NEB: variants seen among roughly 807,000 people sequenced by gnomAD.
The protein encoded by NEB is nemaline myopathy type 2.
Under a neutral mutation model 952.2 loss-of-function variants are expected in NEB, and 512 were observed. That is an observed-to-expected ratio of 0.54 (90% confidence interval 0.50 to 0.58). The LOEUF (loss-of-function observed/expected upper bound fraction) is 0.58. NEB is among the 20% of genes least tolerant of loss of function. The pLI is 0.00. For synonymous variants in NEB, 2,900 were observed against 3,149.8 expected (o/e 0.92, Z 2.66); for missense variants, 8,428 against 9,231.1 (o/e 0.91, Z 3.56).
intron 20 of NEB, among the ~76,000 whole-genome samples, chr2:151,693,513 G>A (rs2099574204): frequency 6.6e-6 from 1 of 151,326 alleles, no homozygotes; most frequent in South Asian, 2.1e-4. Flanking sequence ...AAGAACATGA[G>A]GTATTTGATT....
chr2:151,520,893 G>A (rs2081506559), intron 153 of NEB, among the ~76,000 whole-genome samples: 1 of 152,144 alleles, frequency 6.6e-6, no homozygotes, highest in Non-Finnish European at 1.5e-5. Flanking sequence ...TTATTTATAG[G>A]AGAATTCAAC....
intron 5 of NEB, among the ~76,000 whole-genome samples, chr2:151,726,555 C>T (rs1162407689): frequency 6.6e-6 from 1 of 152,148 alleles, no homozygotes; most frequent in Non-Finnish European, 1.5e-5. Flanking sequence ...CCCAGTGAGA[C>T]CTCAGCCCAC....
chr2:151,595,468 T>G (rs1297469562), intron 92 of NEB, among the ~76,000 whole-genome samples: 16 of 150,768 alleles, frequency 1.1e-4, no homozygotes, highest in South Asian at 6.3e-4. Context: ...AGATGAGGTT[T>G]TACCATGTTG....
At position 151,655,923 on chromosome 2, in the gene NEB, G is replaced by A. The variant is rs865910835; in HGVS notation, c.6596C>T (p.Ala2199Val). The part of the protein sequence containing the change: ...VEKAKKATEY[A>V]SDQKYRQHPS... ...GTGCTGGCGGTATTTCTGATCACTG[G>A]CATATTCAGTTGCTTTCTTGGCCTT... Residue 2199 changes from alanine (A) to valine (V), a missense_variant, in exon 50 of 182, where the codon GCC becomes GTC. Physicochemically the swap from Ala to Val is moderately conservative, Grantham distance 64. This residue lies in a region of NEB where 2,851 missense variants were observed against 2,791.5 expected (regional missense o/e 1.02). Transcript: ENST00000397345. The A allele has an allele frequency of 1.9e-6, 3 of 1,613,736 alleles. No homozygotes were observed. The highest frequency in any genetic ancestry group is 2.5e-6 in the Non-Finnish European group (3 of 1,179,788).
At chr2:151,490,148 C>A in intron 180 of NEB, 71 bp from the exon 181 acceptor site, 1 of 1,266,342 alleles carries the variant, frequency 7.9e-7, no homozygotes. Context: ...TGTTTAGCAG[C>A]TGAGTGATGT....
chr2:151,678,053 A>C lies in NEB; in HGVS notation c.3390T>G (p.Tyr1130Ter), dbSNP rs767079113. The change falls in exon 33 of 182, where the codon TAT (tyrosine) becomes TAG (stop). Residue 1130 changes from tyrosine (Y) to a stop codon, truncating the protein, a stop_gained. Coordinates refer to ENST00000397345, the MANE Select transcript of NEB (RefSeq NM_001164508.2). LOFTEE classifies it high-confidence loss of function. Reference sequence around the variant, plus strand: ...TGTTGTATTTGGACTTTGTCTTCTCATAGTCTTTTTTATACTCCCGATCTG... The same window carrying C: ...TGTTGTATTTGGACTTTGTCTTCTCCTAGTCTTTTTTATACTCCCGATCTG... ...IQSDREYKKD[Y>*]EKTKSKYNTP... 1 of 1,613,918 alleles carries C rather than the reference A, an allele frequency of 6.2e-7. No homozygotes were observed.
At chr2:151,695,777 T>C (rs1238947321) in intron 17 of NEB, 95 bp from the exon 18 acceptor site, 15 of 919,426 alleles carry the variant, frequency 1.6e-5, no homozygotes, top group South Asian at 5.8e-5. Flanking sequence ...GACAGCATTA[T>C]TGAGATCAGA....
chr2:151,697,506 C>T, intron 14 of NEB, 38 bp downstream of exon 14: 1 of 1,605,808 alleles, frequency 6.2e-7, no homozygotes, highest in Non-Finnish European at 8.5e-7. Context: ...ATAATGGGTT[C>T]TTTTTTTAAC....
At chr2:151,514,769 G>A in intron 158 of NEB, 49 bp downstream of exon 158, 2 of 1,253,286 alleles carry the variant, frequency 1.6e-6, no homozygotes, top group Non-Finnish European at 2.3e-6. Flanking sequence ...AGTGTCACTA[G>A]TGCAATTATT....
chr2:151,535,637 A>T, intron 142 of NEB, 54 bp downstream of exon 142: 1 of 1,130,022 alleles, frequency 8.8e-7, no homozygotes, highest in Non-Finnish European at 1.3e-6. Flanking sequence ...AAAAACTCTG[A>T]GACTTCTTTA....
chr2:151,575,022 G>A (rs953599130), intron 107 of NEB, among the ~76,000 whole-genome samples: 27 of 152,160 alleles, frequency 1.8e-4, no homozygotes, highest in Non-Finnish European at 2.2e-4. Context: ...TTATAGGCAT[G>A]AGCCACCATG....
intron 40 of NEB, among the ~76,000 whole-genome samples, chr2:151,667,537 T>A (rs1046499634): frequency 4.6e-5 from 7 of 151,560 alleles, no homozygotes; most frequent in Admixed American, 3.9e-4. Context: ...CACATATAGA[T>A]TTTTTTTTCT....
In NEB at chr2:151,688,828, C is replaced by G. The variant is rs1356351616; in HGVS notation, c.2311-432G>C. On this transcript the variant is annotated intron_variant, in intron 24 of 181. Coordinates refer to ENST00000397345, the MANE Select transcript of NEB (RefSeq NM_001164508.2). ...AAAATATCTTACTGTATGTTTTCAC[C>G]CTTCATCTTGATAAAGAAGGGACAA... is the stretch of plus-strand genomic sequence containing the variant. Among the ~76,000 whole-genome samples, 3 of 152,060 alleles carry G rather than the reference C, an allele frequency of 2.0e-5. No individual in the cohort carries two copies. In the East Asian group the frequency reaches 5.8e-4, roughly 29 times the overall value.
chr2:151,688,072 G>A (rs948942943), intron 25 of NEB, among the ~76,000 whole-genome samples: 22 of 152,130 alleles, frequency 1.4e-4, no homozygotes, highest in African/African-American at 4.3e-4. Context: ...AATAGTAGAC[G>A]GGTAATTGGA....
chr2:151,699,033 C>T (rs1576801820), intron 13 of NEB, among the ~76,000 whole-genome samples: 1 of 136,698 alleles, frequency 7.3e-6, no homozygotes, highest in African/African-American at 2.7e-5. Flanking sequence ...CCACCACAGT[C>T]CCCAGAGTGT....
intron 54 of NEB, among the ~76,000 whole-genome samples, chr2:151,648,024 T>C (rs544225993): frequency 7.2e-5 from 11 of 152,186 alleles, no homozygotes; most frequent in Admixed American, 7.2e-4. Context: ...CTCATATAGA[T>C]ATATAGATAT....
chr2:151,546,011 A>AC lies in NEB; in HGVS notation c.20467-14_20467-13insG. 1.4e-6 allele frequency: 2 copies of AC among 1,437,676 alleles called. No individual in the cohort carries two copies. Among genetic ancestry groups the AC allele is most frequent in the Non-Finnish European group, 1.9e-6 (2 of 1,044,702 alleles). The allele number at this position is 1,437,676 out of a possible 1,614,324, so 89.1% of individuals were successfully genotyped here. A position where few individuals can be genotyped will look rare whatever the true frequency, so the allele number is the denominator to read the frequency against. On this transcript the variant is annotated splice_polypyrimidine_tract_variant and intron_variant, in intron 134 of 181. Coordinates refer to ENST00000397345, the MANE Select transcript of NEB (RefSeq NM_001164508.2). ...ATAGGTAATTAGACTTAAAAAAAAAAAAAAAAACAGAAATACAAGTTGATT... is the reference window on the plus strand; with the variant it reads ...ATAGGTAATTAGACTTAAAAAAAAAACAAAAAAACAGAAATACAAGTTGATT...
intron 170 of NEB, 175 bp downstream of exon 170, chr2:151,498,073 TAAATATCAGATG>T (rs770234498): frequency 9.4e-5 from 138 of 1,461,786 alleles, no homozygotes; most frequent in Non-Finnish European, 1.2e-4. Flanking sequence ...TGTTTGTTTG[TAAATATCAGATG>T]AAGTAAAAAA....
At chr2:151,708,304 T>A (rs1327737131) in intron 12 of NEB, among the ~76,000 whole-genome samples, 1 of 152,230 alleles carries the variant, frequency 6.6e-6, no homozygotes, top group East Asian at 1.9e-4. Flanking sequence ...AAGAGTTGAA[T>A]ATACTTATAT....
Sources: gnomAD v4.1 joint callset for allele counts (sites outside exome capture counted in the v4.1 genomes callset) on GRCh38, gnomAD v4.1.1 for gene constraint, gnomAD v4.1.1 regional missense constraint, MANE v1.5 for transcripts, NCBI Gene and HGNC (gene_info 2026-07-23, HGNC 2026-07-21) for gene names.